RAP1GDS1: variants seen among roughly 807,000 people sequenced by gnomAD.
RAP1GDS1 encodes Rap1 GTPase-GDP dissociation stimulator 1.
A neutral mutation model predicts 71.1 loss-of-function variants in RAP1GDS1; 35 were observed. That is an observed-to-expected ratio of 0.49 (90% confidence interval 0.38 to 0.65). RAP1GDS1 has a LOEUF of 0.65. Among genes scored for constraint, RAP1GDS1 ranks in the 30% least tolerant of loss-of-function variants. RAP1GDS1 has a pLI of 0.00. For synonymous variants in RAP1GDS1, 229 were observed against 243.1 expected (o/e 0.94, Z 0.54); for missense variants, 663 against 706.1 (o/e 0.94, Z 0.69).
At chr4:98,313,011 G>A (rs1730461335) in intron 2 of RAP1GDS1, among the ~76,000 whole-genome samples, 1 of 137,202 alleles carries the variant, frequency 7.3e-6, no homozygotes, top group Non-Finnish European at 1.5e-5. Context: ...GGAACTTGCA[G>A]TGAGCCGAGA....
At position 98,328,245 on chromosome 4, in the gene RAP1GDS1, T is replaced by G. The variant is rs73834433; in HGVS notation, c.113-14894T>G. 4.9e-3 allele frequency among the ~76,000 whole-genome samples: 753 copies of G among 152,330 alleles called. 7 individuals are homozygous for G. The highest frequency in any genetic ancestry group is 0.018 in the South Asian group (85 of 4,824). ...TTGATACAAAAAGATCTCTTAGGTT[T>G]CATTCTTTCAAACTACCAGCAGAAG... On this transcript the variant is annotated intron_variant, in intron 2 of 14. Transcript: ENST00000408927.
chr4:98,376,850 GT>G, intron 4 of RAP1GDS1, among the ~76,000 whole-genome samples: 1 of 152,100 alleles, frequency 6.6e-6, no homozygotes, highest in African/African-American at 2.4e-5. Flanking sequence ...GAGGAGGGGG[GT>G]GGAAGGAGAG....
chr4:98,391,393 G>T (rs9995184), intron 5 of RAP1GDS1, among the ~76,000 whole-genome samples: 8,633 of 151,836 alleles, frequency 0.057, 620 homozygotes, highest in African/African-American at 0.17. Context: ...TTTTTTTCTG[G>T]TACATCTCTT....
intron 7 of RAP1GDS1, 67 bp downstream of exon 7, chr4:98,404,669 TTTAA>T: frequency 1.3e-6 from 2 of 1,515,914 alleles, no homozygotes; most frequent in South Asian, 2.5e-5. Context: ...CCTAATATTA[TTTAA>T]TTGCCAGCCA....
chr4:98,270,185 G>A (rs1428717261), intron 1 of RAP1GDS1, among the ~76,000 whole-genome samples: 1 of 152,090 alleles, frequency 6.6e-6, no homozygotes. Flanking sequence ...CTATTTATGA[G>A]GGCAGAGCCA....
intron 3 of RAP1GDS1, among the ~76,000 whole-genome samples, chr4:98,343,499 C>T (rs1735790063): frequency 6.6e-6 from 1 of 152,166 alleles, no homozygotes; most frequent in African/African-American, 2.4e-5. Context: ...CTCTGCTGCC[C>T]TCAGCTATAC....
At chr4:98,386,797 A>G (rs976995011) in intron 5 of RAP1GDS1, among the ~76,000 whole-genome samples, 2 of 152,188 alleles carry the variant, frequency 1.3e-5, no homozygotes, top group Middle Eastern at 3.4e-3. Flanking sequence ...TTAACCACTA[A>G]TCATCCTCTT....
At chr4:98,413,087 T>A (rs1747311582) in intron 7 of RAP1GDS1, among the ~76,000 whole-genome samples, 1 of 152,130 alleles carries the variant, frequency 6.6e-6, no homozygotes, top group Non-Finnish European at 1.5e-5. Context: ...TTCCGCACCC[T>A]AATAAGCCTG....
At chr4:98,395,248 C>T (rs1744349686) in intron 6 of RAP1GDS1, among the ~76,000 whole-genome samples, 1 of 152,028 alleles carries the variant, frequency 6.6e-6, no homozygotes, top group Non-Finnish European at 1.5e-5. Flanking sequence ...ATAGGCATAG[C>T]TTGTCTCACA....
chr4:98,421,364 G>C lies in RAP1GDS1; in HGVS notation c.1410G>C (p.Leu470=), dbSNP rs759082222. ...TGATGGGGGAGTCAAACAGACTGCT[G>C]TCTGCCCTTATACGACACAGTAAAT... The part of the protein sequence containing the change: ...AGVMGESNRL[L]SALIRHSKSK... The change falls in exon 12 of 15, where the codon CTG becomes CTC. Residue 470 remains leucine (L), a synonymous_variant. Coordinates refer to ENST00000408927, the MANE Select transcript of RAP1GDS1 (RefSeq NM_001100427.2). The C allele has an allele frequency of 1.2e-6, 2 of 1,607,620 alleles. No individual in the cohort carries two copies. Among genetic ancestry groups the C allele is most frequent in the Non-Finnish European group, 1.7e-6 (2 of 1,176,372 alleles).
chr4:98,296,118 A>C (rs1259374653), intron 2 of RAP1GDS1, among the ~76,000 whole-genome samples: 1 of 152,084 alleles, frequency 6.6e-6, no homozygotes, highest in Non-Finnish European at 1.5e-5. Flanking sequence ...TTAACTAAAA[A>C]TAACAACTGT....
At chr4:98,279,629 C>T (rs1284410633) in intron 1 of RAP1GDS1, among the ~76,000 whole-genome samples, 1 of 151,906 alleles carries the variant, frequency 6.6e-6, no homozygotes, top group Non-Finnish European at 1.5e-5. Context: ...AAGTTCTGTA[C>T]TTTAAGTCCT....
At chr4:98,351,944 A>G (rs1311532327) in intron 3 of RAP1GDS1, among the ~76,000 whole-genome samples, 1 of 151,656 alleles carries the variant, frequency 6.6e-6, no homozygotes, top group Non-Finnish European at 1.5e-5. Context: ...CATCTTACCA[A>G]TCAAAAAGGA....
At chr4:98,261,963 C>A (rs1397364219) in intron 1 of RAP1GDS1, among the ~76,000 whole-genome samples, 3 of 152,268 alleles carry the variant, frequency 2.0e-5, no homozygotes, top group African/African-American at 7.2e-5. Context: ...GAGCTCGAGG[C>A]TCGGGTCCGA....
chr4:98,419,450 A>G lies in RAP1GDS1; in HGVS notation c.1175-569A>G, dbSNP rs948451248. Among the ~76,000 whole-genome samples, 4 of 152,274 alleles carry G rather than the reference A, an allele frequency of 2.6e-5. No homozygotes were observed. The South Asian group carries it at 8.3e-4, about 32-fold the overall frequency. ...TTGTTTTTCTATAAGCAGATGTACA[A>G]TTTTTTTAAAATAGCCTTAATGTGC... On this transcript the variant is annotated intron_variant, in intron 10 of 14. Coordinates refer to ENST00000408927, the MANE Select transcript of RAP1GDS1 (RefSeq NM_001100427.2).
intron 5 of RAP1GDS1, among the ~76,000 whole-genome samples, chr4:98,391,024 T>C (rs1430046931): frequency 2.0e-5 from 3 of 152,176 alleles, no homozygotes; most frequent in East Asian, 3.9e-4. Flanking sequence ...TTCTGTATCA[T>C]TGGATGAACC....
At chr4:98,351,606 G>C (rs1474598147) in intron 3 of RAP1GDS1, among the ~76,000 whole-genome samples, 2 of 151,694 alleles carry the variant, frequency 1.3e-5, no homozygotes, top group Admixed American at 1.3e-4. Flanking sequence ...GGTGAGTTGT[G>C]ATGTCCAAAA....
intron 6 of RAP1GDS1, among the ~76,000 whole-genome samples, chr4:98,400,547 ACGG>A: frequency 6.6e-6 from 1 of 151,280 alleles, no homozygotes. Flanking sequence ...AAAAAAAAAA[ACGG>A]ATACTAGAGG....
intron 2 of RAP1GDS1, among the ~76,000 whole-genome samples, chr4:98,340,150 C>T (rs1735286354): frequency 6.6e-6 from 1 of 152,180 alleles, no homozygotes; most frequent in South Asian, 2.1e-4. Flanking sequence ...AACAGAACTA[C>T]CATTCTACCC....
Sources: gnomAD v4.1 joint callset for allele counts (sites outside exome capture counted in the v4.1 genomes callset) on GRCh38, gnomAD v4.1.1 for gene constraint, MANE v1.5 for transcripts, NCBI Gene and HGNC (gene_info 2026-07-23, HGNC 2026-07-21) for gene names.